Variants in SYNE1 observed in about 807,000 individuals in gnomAD.
The protein encoded by SYNE1 is spectrin repeat containing nuclear envelope protein 1.
A neutral mutation model predicts 1,111.0 loss-of-function variants in SYNE1; 616 were observed. The observed-to-expected ratio is 0.55, with a 90% CI of 0.52 to 0.59. The LOEUF (loss-of-function observed/expected upper bound fraction) is 0.59, where lower values mean the gene tolerates loss of function less well. SYNE1 is among the 20% of genes least tolerant of loss of function. The pLI, the probability that SYNE1 is intolerant of heterozygous loss-of-function variation, is 0.00. For missense variants in SYNE1, 10,006 were observed against 10,417.0 expected, an observed-to-expected ratio of 0.96 and a Z score of 1.72; for synonymous variants, 3,855 against 3,825.8, an observed-to-expected ratio of 1.01 and a Z score of -0.28.
At chr6:152,522,940 A>G (rs903901705) in intron 5 of SYNE1, among the ~76,000 whole-genome samples, 1 of 152,128 alleles carries the variant, frequency 6.6e-6, no homozygotes, top group African/African-American at 2.4e-5. Flanking sequence ...TTCCTTGTAG[A>G]TTCTGAACAT....
intron 28 of SYNE1, 138 bp from the exon 29 acceptor site, chr6:152,447,760 T>C (rs1402355273): frequency 1.0e-6 from 1 of 975,824 alleles, no homozygotes; most frequent in Non-Finnish European, 1.6e-6. Flanking sequence ...CAGTGCCTGC[T>C]TAGTTTACTT....
intron 2 of SYNE1, among the ~76,000 whole-genome samples, chr6:152,629,528 G>GGGGGGGA (rs2099693682): frequency 8.3e-6 from 1 of 119,952 alleles, no homozygotes; most frequent in Non-Finnish European, 1.8e-5. Context: ...TTGCCGGGGG[G>GGGGGGGA]GGGGGGGGGA....
At chr6:152,373,429 G>A (rs952389714) in intron 58 of SYNE1, among the ~76,000 whole-genome samples, 3 of 151,986 alleles carry the variant, frequency 2.0e-5, no homozygotes, top group Non-Finnish European at 2.9e-5. Flanking sequence ...ACAGGTGCAT[G>A]CTGCCACACC....
chr6:152,562,196 TCAAAAA>T (rs993772349), intron 3 of SYNE1, among the ~76,000 whole-genome samples: 2 of 151,920 alleles, frequency 1.3e-5, no homozygotes, highest in Admixed American at 6.6e-5. Flanking sequence ...TGTTAGAAAC[TCAAAAA>T]CTAAATAGCA....
chr6:152,317,996 T>C lies in SYNE1; in HGVS notation c.16572+85A>G, dbSNP rs1268893431. On this transcript the variant is annotated intron_variant, in intron 86 of 145. Coordinates refer to ENST00000367255, the MANE Select transcript of SYNE1 (RefSeq NM_182961.4). ...TCATTGTCCATTTTATCTTTTTATT[T>C]ATGTTAATTTATTTTCAAAAGAGAA... The C allele has an allele frequency of 3.2e-6, 5 of 1,540,050 alleles. No homozygotes were observed. The South Asian group carries it at 5.6e-5, about 17-fold the overall frequency.
chr6:152,605,011 AGAGAGAGAGAGAGAG>A (rs1565140276), intron 3 of SYNE1, among the ~76,000 whole-genome samples: 11 of 42,970 alleles, frequency 2.6e-4, no homozygotes, highest in African/African-American at 1.4e-3. Flanking sequence ...AAAGAAAGAG[AGAGAGAGAGAGAGAG>A]AGAGAGAGAG....
chr6:152,240,987 T>A (rs1048015138), intron 107 of SYNE1, among the ~76,000 whole-genome samples: 1 of 152,230 alleles, frequency 6.6e-6, no homozygotes, highest in Non-Finnish European at 1.5e-5. Flanking sequence ...TAGCCCAACA[T>A]GCAATGAAAG....
chr6:152,169,842 GA>G (rs2064735882), intron 130 of SYNE1, among the ~76,000 whole-genome samples: 1 of 151,280 alleles, frequency 6.6e-6, no homozygotes, highest in Admixed American at 6.6e-5. Flanking sequence ...TTTTATATAA[GA>G]AATAAATTCT....
chr6:152,317,117 T>C (rs2095746447), intron 86 of SYNE1, 131 bp from the exon 87 acceptor site: 4 of 1,035,602 alleles, frequency 3.9e-6, no homozygotes, highest in Middle Eastern at 3.0e-4. Context: ...TATTCAATGG[T>C]ATCAAAAGAT....
At position 152,148,397 on chromosome 6, in the gene SYNE1, C is replaced by T; in HGVS notation, c.24643-19G>A. ...CTGGGAGCTAGAAGGGAAGTCAAGG[C>T]AACCCTGTCACTGTAGTGGTCAGAC... On this transcript the variant is annotated intron_variant, in intron 136 of 145. Coordinates refer to ENST00000367255, the MANE Select transcript of SYNE1 (RefSeq NM_182961.4). The surrounding 1 kb of genome is among the most constrained non-coding windows in gnomAD (Gnocchi z 4.1). 3.7e-6 allele frequency: 6 copies of T among 1,609,512 alleles called. No individual in the cohort carries two copies. Among genetic ancestry groups the T allele is most frequent in the Non-Finnish European group, 4.2e-6 (5 of 1,178,242 alleles).
chr6:152,324,319 A>T (rs2095982066), intron 81 of SYNE1, among the ~76,000 whole-genome samples: 1 of 151,986 alleles, frequency 6.6e-6, no homozygotes, highest in South Asian at 2.1e-4. Context: ...GAATTGCTTG[A>T]ACCCAGGGGG....
chr6:152,496,232 G>T (rs765644859), intron 11 of SYNE1, among the ~76,000 whole-genome samples: 1 of 152,008 alleles, frequency 6.6e-6, no homozygotes, highest in Non-Finnish European at 1.5e-5. Flanking sequence ...TAGAAGACAG[G>T]AATAGGCCTC....
At chr6:152,476,876 AAAAAAG>A (rs2098838049) in intron 14 of SYNE1, among the ~76,000 whole-genome samples, 1 of 151,984 alleles carries the variant, frequency 6.6e-6, no homozygotes, top group Non-Finnish European at 1.5e-5. Flanking sequence ...CTAAAAAAAA[AAAAAAG>A]AAAAGAAAAG....
In SYNE1 at chr6:152,281,787, C is replaced by A; in HGVS notation, c.18381+20G>T. 1 of 1,613,974 alleles carries A rather than the reference C, an allele frequency of 6.2e-7. No individual in the cohort carries two copies. The highest frequency in any genetic ancestry group is 8.5e-7 in the Non-Finnish European group (1 of 1,179,922). ...TGTGCTTCATGATGTTGACATATTCCTTTGAGACCATTTTGGTACCTGGCA... is the reference window on the plus strand; with the variant it reads ...TGTGCTTCATGATGTTGACATATTCATTTGAGACCATTTTGGTACCTGGCA... On this transcript the variant is annotated intron_variant, in intron 97 of 145. Transcript: ENST00000367255.
chr6:152,491,869 G>A (rs2098972449), intron 11 of SYNE1, among the ~76,000 whole-genome samples: 1 of 151,902 alleles, frequency 6.6e-6, no homozygotes, highest in African/African-American at 2.4e-5. Flanking sequence ...TCACCAGGCT[G>A]AGCCAGGTCC....
At chr6:152,609,090 T>C (rs2099624041) in intron 3 of SYNE1, among the ~76,000 whole-genome samples, 1 of 151,950 alleles carries the variant, frequency 6.6e-6, no homozygotes, top group African/African-American at 2.4e-5. Context: ...CCAACTGAGG[T>C]ACCTGGTTCC....
rs557810570 is a variant in SYNE1 at position 152,166,470 on chromosome 6, T to C, written c.23628-2145A>G. ...GTCAAGTACTAAAATTCATTCGTTT[T>C]TTTGGTTCAAAACTCACAAATATGA... is the stretch of plus-strand genomic sequence containing the variant. On this transcript the variant is annotated intron_variant, in intron 130 of 145. Transcript: ENST00000367255. Among the ~76,000 whole-genome samples, 6 of 152,366 alleles carry C rather than the reference T, an allele frequency of 3.9e-5. No homozygotes were observed. In the East Asian group the frequency reaches 1.2e-3, roughly 29 times the overall value.
intron 4 of SYNE1, among the ~76,000 whole-genome samples, chr6:152,536,467 A>AT (rs2099243190): frequency 3.7e-5 from 5 of 134,604 alleles, no homozygotes; most frequent in African/African-American, 1.3e-4. Context: ...ATATATATAT[A>AT]CAATATATAT....
At chr6:152,606,978 C>CTTTTTTTT (rs71017544) in intron 3 of SYNE1, among the ~76,000 whole-genome samples, 1 of 62,210 alleles carries the variant, frequency 1.6e-5, no homozygotes, top group Non-Finnish European at 2.8e-5. Flanking sequence ...CCTCGGTTCT[C>CTTTTTTTT]TTTTTTTTTT....
Sources: allele counts gnomAD v4.1 joint callset (sites outside exome capture counted in the v4.1 genomes callset), GRCh38; gene constraint gnomAD v4.1.1; non-coding constraint Gnocchi (gnomAD v3.1); transcripts MANE v1.5; gene names NCBI Gene and HGNC (gene_info 2026-07-23, HGNC 2026-07-21).